OR6Y1: variants seen among roughly 807,000 people sequenced by gnomAD.
OR6Y1 encodes olfactory receptor 6Y1.
OR6Y1 carries 1 observed loss-of-function variant against 0.4 expected under a neutral mutation model. The ratio of observed to expected loss-of-function variants is 2.74; its 90% CI spans 0.97 to 13.02. The LOEUF (loss-of-function observed/expected upper bound fraction) is 13.02, where lower values mean the gene tolerates loss of function less well. Among genes scored for constraint, OR6Y1 ranks in the 30% most tolerant of loss-of-function variants. The probability of loss-of-function intolerance (pLI) is 0.12; values close to 1 mark genes in which losing one functional copy is unlikely to be tolerated. For synonymous variants in OR6Y1, 173 were observed against 141.1 expected (o/e 1.23, Z -1.60); for missense variants, 480 against 399.8 (o/e 1.20, Z -1.71).
At chr1:158,551,937 A>C (rs1364455494) in intron 1 of OR6Y1, among the ~76,000 whole-genome samples, 1 of 152,146 alleles carries the variant, frequency 6.6e-6, no homozygotes, top group Non-Finnish European at 1.5e-5. Context: ...TTTTCCAGGA[A>C]TGGAAATCCA....
At position 158,547,660 on chromosome 1, in the gene OR6Y1, A is replaced by G. The variant is rs781740230; in HGVS notation, c.446T>C (p.Leu149Pro). 5.6e-6 allele frequency: 9 copies of G among 1,613,608 alleles called. No homozygotes were observed. Among genetic ancestry groups the G allele is most frequent in the Non-Finnish European group, 5.9e-6 (7 of 1,180,004 alleles). Residue 149 changes from leucine to proline, a missense_variant, in exon 2 of 2, where the codon CTG becomes CCG. Coordinates refer to ENST00000641622, the MANE Select transcript of OR6Y1 (RefSeq NM_001005189.2). ...VIMTNQLCGT[L>P]AGGCWFCGLM... ...TCCACAGAACCAGCATCCTCCAGCC[A>G]GTGTGCCACAGAGCTGGTTGGTCAT...
At position 158,548,187 on chromosome 1, in the gene OR6Y1, C is replaced by G; in HGVS notation, c.-82G>C. 1 of 1,403,630 alleles carries G rather than the reference C, an allele frequency of 7.1e-7. No homozygotes were observed. Among genetic ancestry groups the G allele is most frequent in the Non-Finnish European group, 9.6e-7 (1 of 1,041,386 alleles). 86.9% of individuals were successfully genotyped at this position (1,403,630 alleles called of 1,614,324 possible). ...TGGTTATTTGTATTGATAGAGCCCACCACCAGCAAATTTATCACAATAGGA... is the reference window on the plus strand; with the variant it reads ...TGGTTATTTGTATTGATAGAGCCCAGCACCAGCAAATTTATCACAATAGGA... On this transcript the variant is annotated 5_prime_UTR_variant, in exon 2 of 2. Transcript: ENST00000641622.
intron 1 of OR6Y1, among the ~76,000 whole-genome samples, chr1:158,553,403 A>G (rs553288684): frequency 6.6e-6 from 1 of 152,280 alleles, no homozygotes; most frequent in South Asian, 2.1e-4. Context: ...ATAGCTAGAT[A>G]TTTGAAGGAG....
At position 158,548,078 on chromosome 1, in the gene OR6Y1, T is replaced by TATC; in HGVS notation, c.25_27dup (p.Asp9dup). 6.2e-7 allele frequency: 1 copy of TATC among 1,613,018 alleles called. No homozygotes were observed. The highest frequency in any genetic ancestry group is 8.5e-7 in the Non-Finnish European group (1 of 1,179,840). On this transcript the variant is annotated inframe_insertion, in exon 2 of 2. Transcript: ENST00000641622. ...ATGAAACGTGTTGTCACTGTATGAT[T>TATC]ATCTACTTCCAGAATTATGGTGGTC...
chr1:158,548,140 C>T lies in OR6Y1; in HGVS notation c.-35G>A. 1 of 1,587,168 alleles carries T rather than the reference C, an allele frequency of 6.3e-7. No individual in the cohort carries two copies. Among genetic ancestry groups the T allele is most frequent in the South Asian group, 1.2e-5 (1 of 86,492 alleles). On this transcript the variant is annotated 5_prime_UTR_variant, in exon 2 of 2. Coordinates refer to ENST00000641622, the MANE Select transcript of OR6Y1 (RefSeq NM_001005189.2). ...TGGGCACAGACAAAGTCAGTTCCTT[C>T]CATGACACAAGCACTAGTCTATGGT...
chr1:158,552,312 C>A (rs1217498117), intron 1 of OR6Y1, among the ~76,000 whole-genome samples: 1 of 150,628 alleles, frequency 6.6e-6, no homozygotes, highest in Non-Finnish European at 1.5e-5. Flanking sequence ...TTGGATGATT[C>A]CAGCTTAACT....
In OR6Y1 at chr1:158,548,406, T is replaced by C. The variant is rs1011959871; in HGVS notation, c.-301A>G. Reference sequence around the variant, plus strand: ...GTTCTGTGCTTTACCAATATATCACTTTTGGGCACATAAATGGTCTCCAGA... The same window carrying C: ...GTTCTGTGCTTTACCAATATATCACCTTTGGGCACATAAATGGTCTCCAGA... On this transcript the variant is annotated 5_prime_UTR_variant, in exon 2 of 2. Coordinates refer to ENST00000641622, the MANE Select transcript of OR6Y1 (RefSeq NM_001005189.2). 2 of 247,314 alleles carry C rather than the reference T, an allele frequency of 8.1e-6. No individual in the cohort carries two copies. The highest frequency in any genetic ancestry group is 1.0e-4 in the Admixed American group (2 of 20,016). The allele number at this position is 247,314 out of a possible 1,614,324, so 15.3% of individuals were successfully genotyped here.
intron 1 of OR6Y1, among the ~76,000 whole-genome samples, chr1:158,552,571 A>G (rs1361674595): frequency 2.0e-5 from 3 of 152,060 alleles, no homozygotes; most frequent in Admixed American, 6.6e-5. Flanking sequence ...TGTTTGTGGG[A>G]AAATGAGGTA....
intron 1 of OR6Y1, among the ~76,000 whole-genome samples, chr1:158,550,044 C>T (rs1054430309): frequency 1.3e-5 from 2 of 151,672 alleles, no homozygotes; most frequent in East Asian, 3.8e-4. Context: ...GAGCCATGTC[C>T]TTGGGCTTAA....
intron 1 of OR6Y1, among the ~76,000 whole-genome samples, chr1:158,551,280 C>A (rs751524741): frequency 6.6e-6 from 1 of 151,778 alleles, no homozygotes; most frequent in Non-Finnish European, 1.5e-5. Context: ...TATTACCTAG[C>A]AGCAGGTTAA....
chr1:158,551,656 T>G (rs960178407), intron 1 of OR6Y1, among the ~76,000 whole-genome samples: 2 of 151,620 alleles, frequency 1.3e-5, no homozygotes, highest in Non-Finnish European at 2.9e-5. Flanking sequence ...AATAGAATCA[T>G]AAAAGTTAGT....
chr1:158,553,604 G>C (rs1647758128), intron 1 of OR6Y1, among the ~76,000 whole-genome samples: 1 of 151,826 alleles, frequency 6.6e-6, no homozygotes, highest in South Asian at 2.1e-4. Flanking sequence ...AATATTATAA[G>C]CCATCTGATC....
rs1647493232 is a variant in OR6Y1 at position 158,545,445 on chromosome 1, T to C, written c.*1683A>G. ...ATACATATGTAACAAACCTGCACGT[T>C]GTGCACATGTACCCTAAAACTTAAA... On this transcript the variant is annotated 3_prime_UTR_variant, in exon 2 of 2. Transcript: ENST00000641622. 6.6e-6 allele frequency: 1 copy of C among 151,646 alleles called. No homozygotes were observed. Among genetic ancestry groups the C allele is most frequent in the Non-Finnish European group, 1.5e-5 (1 of 67,918 alleles). The allele number at this position is 151,646 out of a possible 1,614,324, so 9.4% of individuals were successfully genotyped here. A position where few individuals can be genotyped will look rare whatever the true frequency, so the allele number is the denominator to read the frequency against.
chr1:158,553,429 C>T (rs955168339), intron 1 of OR6Y1, among the ~76,000 whole-genome samples: 3 of 151,934 alleles, frequency 2.0e-5, no homozygotes, highest in African/African-American at 7.3e-5. Context: ...TGAATGTTCC[C>T]AACACTAAGC....
At chr1:158,552,522 C>T (rs916911392) in intron 1 of OR6Y1, among the ~76,000 whole-genome samples, 1 of 151,824 alleles carries the variant, frequency 6.6e-6, no homozygotes, top group African/African-American at 2.4e-5. Flanking sequence ...GGGCAATGAG[C>T]CCAGGATAAT....
chr1:158,548,126 A>G lies in OR6Y1; in HGVS notation c.-21T>C, dbSNP rs1252168623. On this transcript the variant is annotated 5_prime_UTR_variant, in exon 2 of 2. Coordinates refer to ENST00000641622, the MANE Select transcript of OR6Y1 (RefSeq NM_001005189.2). ...GTCATGACTGGCTGTGGGCACAGAC[A>G]AAGTCAGTTCCTTCCATGACACAAG... 3.7e-6 allele frequency: 6 copies of G among 1,600,630 alleles called. No homozygotes were observed. In the East Asian group the frequency reaches 1.3e-4, roughly 36 times the overall value.
In OR6Y1 at chr1:158,548,132, A is replaced by G. The variant is rs1647606852; in HGVS notation, c.-27T>C. ...ACTGGCTGTGGGCACAGACAAAGTC[A>G]GTTCCTTCCATGACACAAGCACTAG... On this transcript the variant is annotated 5_prime_UTR_variant, in exon 2 of 2. Transcript: ENST00000641622. 3.8e-6 allele frequency: 6 copies of G among 1,593,618 alleles called. No individual in the cohort carries two copies. The highest frequency in any genetic ancestry group is 5.1e-6 in the Non-Finnish European group (6 of 1,171,808).
In OR6Y1 at chr1:158,545,164, G is replaced by A. The variant is rs1037248636; in HGVS notation, c.*1964C>T. 18 of 151,822 alleles carry A rather than the reference G, an allele frequency of 1.2e-4. No individual in the cohort carries two copies. Among genetic ancestry groups the A allele is most frequent in the Non-Finnish European group, 2.2e-4 (15 of 67,974 alleles). 9.4% of individuals were successfully genotyped at this position (151,822 alleles called of 1,614,324 possible). On this transcript the variant is annotated 3_prime_UTR_variant, in exon 2 of 2. Transcript: ENST00000641622. The stretch of plus-strand genomic sequence containing the variant: ...ATACACTCCCAACAACATTGAATAC[G>A]TGTTCCTTTTTCTCCACAACCTCAC...
In OR6Y1 at chr1:158,544,679, C is replaced by A. The variant is rs1647468042; in HGVS notation, c.*2449G>T. On this transcript the variant is annotated 3_prime_UTR_variant, in exon 2 of 2. Transcript: ENST00000641622. Reference sequence around the variant, plus strand: ...CCCATTAGTTATTTCTCCTGATCCTCTACCTCCTCCCACCCTGCACCCTCT... The same window carrying A: ...CCCATTAGTTATTTCTCCTGATCCTATACCTCCTCCCACCCTGCACCCTCT... The A allele has an allele frequency of 6.6e-6, 1 of 152,148 alleles. No individual in the cohort carries two copies. Among genetic ancestry groups the A allele is most frequent in the Admixed American group, 6.5e-5 (1 of 15,268 alleles). The allele number at this position is 152,148 out of a possible 1,614,324, so 9.4% of individuals were successfully genotyped here.
Sources: allele counts gnomAD v4.1 joint callset (sites outside exome capture counted in the v4.1 genomes callset), GRCh38; gene constraint gnomAD v4.1.1; transcripts MANE v1.5; gene names NCBI Gene and HGNC (gene_info 2026-07-23, HGNC 2026-07-21).